Variants in TENM3 observed in about 807,000 individuals in gnomAD.
TENM3 encodes teneurin-3.
In TENM3, 63 loss-of-function variants were observed where a neutral mutation model predicts 255.1. The observed-to-expected ratio is 0.25, with a 90% confidence interval of 0.20 to 0.30. The LOEUF (loss-of-function observed/expected upper bound fraction) is 0.30, where lower values mean the gene tolerates loss of function less well. Among genes scored for constraint, TENM3 ranks in the 10% least tolerant of loss-of-function variants. The pLI is 1.00. For missense variants in TENM3, 2,929 were observed against 3,461.1 expected (o/e 0.85, Z 3.86); for synonymous variants, 1,306 against 1,322.3 (o/e 0.99, Z 0.27).
At chr4:181,464,420 G>C in the TENM3 span, among the ~76,000 whole-genome samples, 1 of 152,088 alleles carries the variant, frequency 6.6e-6, no homozygotes, top group Non-Finnish European at 1.5e-5. Context: ...CATCTTTTCA[G>C]GTGGTTCTTG....
intron 2 of TENM3, among the ~76,000 whole-genome samples, chr4:182,345,772 G>A (rs1247964944): frequency 6.6e-6 from 1 of 152,104 alleles, no homozygotes; most frequent in Non-Finnish European, 1.5e-5. Flanking sequence ...TTATTGCAGT[G>A]TCATGAGTTT....
At chr4:181,486,047 T>G in the TENM3 span, among the ~76,000 whole-genome samples, 1 of 151,572 alleles carries the variant, frequency 6.6e-6, no homozygotes, top group African/African-American at 2.4e-5. Context: ...TGTGTTTGAG[T>G]TTATCTAAGA....
At chr4:182,169,510 A>G in intron 1 of TENM3, 1 of 271,920 alleles carries the variant, frequency 3.7e-6, no homozygotes, top group Non-Finnish European at 7.3e-6. Context: ...AGCTTTTTAG[A>G]GGAGAATTTA....
At chr4:182,080,051 C>T in the TENM3 span, among the ~76,000 whole-genome samples, 5 of 152,184 alleles carry the variant, frequency 3.3e-5, no homozygotes, top group African/African-American at 7.2e-5. Context: ...ACAATCCACT[C>T]GTCTTAACCA....
At chr4:182,669,603 A>T (rs1755034479) in intron 6 of TENM3, among the ~76,000 whole-genome samples, 1 of 152,158 alleles carries the variant, frequency 6.6e-6, no homozygotes, top group African/African-American at 2.4e-5. Context: ...TATCAATATA[A>T]AACTTATAAA....
the TENM3 span, among the ~76,000 whole-genome samples, chr4:181,519,359 G>C: frequency 3.3e-5 from 5 of 152,332 alleles, no homozygotes; most frequent in Middle Eastern, 3.4e-3. Context: ...TTTCCTCTCT[G>C]AAAATATAAC....
At chr4:182,707,738 T>G (rs1305212845) in intron 12 of TENM3, 1 of 152,322 alleles carries the variant, frequency 6.6e-6, no homozygotes, top group Non-Finnish European at 1.5e-5. Context: ...GTCATAGGCT[T>G]GAAACCCGAA....
the TENM3 span, among the ~76,000 whole-genome samples, chr4:181,691,428 A>G: frequency 3.9e-5 from 6 of 152,180 alleles, no homozygotes; most frequent in African/African-American, 1.4e-4. Flanking sequence ...TAACAGAACT[A>G]CAGATCAAAG....
chr4:181,467,085 G>A, the TENM3 span, among the ~76,000 whole-genome samples: 19 of 12,996 alleles, frequency 1.5e-3, no homozygotes, highest in African/African-American at 3.5e-3. Context: ...GTGTGTGTGC[G>A]TGTGTGTGTG....
chr4:181,850,161 T>C, the TENM3 span, among the ~76,000 whole-genome samples: 1 of 151,994 alleles, frequency 6.6e-6, no homozygotes, highest in Admixed American at 6.6e-5. Context: ...TTTCGTTTTA[T>C]CTTTAATTTT....
intron 4 of TENM3, among the ~76,000 whole-genome samples, chr4:182,616,884 G>A (rs1470426364): frequency 1.3e-5 from 2 of 152,066 alleles, no homozygotes; most frequent in African/African-American, 2.4e-5. Context: ...TTTCTATGGG[G>A]GCTTTTTCTT....
At chr4:181,709,616 T>C in the TENM3 span, among the ~76,000 whole-genome samples, 1 of 152,274 alleles carries the variant, frequency 6.6e-6, no homozygotes, top group Admixed American at 6.5e-5. Flanking sequence ...AAGCAACAAA[T>C]TGAGATCAGA....
intron 3 of TENM3, among the ~76,000 whole-genome samples, chr4:182,515,287 G>A (rs940892727): frequency 6.6e-6 from 1 of 152,152 alleles, no homozygotes; most frequent in East Asian, 1.9e-4. Flanking sequence ...AAAAATCCAA[G>A]TGAAAACTTT....
chr4:181,487,339 C>T, the TENM3 span, among the ~76,000 whole-genome samples: 39 of 152,202 alleles, frequency 2.6e-4, 1 homozygote, highest in African/African-American at 7.7e-4. Flanking sequence ...TGTATTAGTG[C>T]GTTTGGGCTG....
the TENM3 span, among the ~76,000 whole-genome samples, chr4:181,488,893 G>A: frequency 1.9e-4 from 29 of 152,154 alleles, no homozygotes; most frequent in Admixed American, 1.4e-3. Flanking sequence ...GCCTCGTCAC[G>A]AACCTGGCTG....
chr4:181,878,560 G>A, the TENM3 span, among the ~76,000 whole-genome samples: 1 of 152,072 alleles, frequency 6.6e-6, no homozygotes, highest in Non-Finnish European at 1.5e-5. Flanking sequence ...TGTAAATGCT[G>A]AGAGTTTACC....
At chr4:182,667,477 C>T (rs2152541663) in intron 6 of TENM3, among the ~76,000 whole-genome samples, 1 of 152,248 alleles carries the variant, frequency 6.6e-6, no homozygotes, top group East Asian at 1.9e-4. Context: ...GTGTGAGCCA[C>T]CACACCTGGC....
intron 1 of TENM3, among the ~76,000 whole-genome samples, chr4:182,256,182 A>C (rs910015907): frequency 6.6e-6 from 1 of 152,190 alleles, no homozygotes; most frequent in Admixed American, 6.5e-5. Flanking sequence ...TCGACCCTAA[A>C]GTTATAAGAA....
chr4:181,476,205 G>GTTTTTTTTTTTTTTTTTTTTTT, the TENM3 span, among the ~76,000 whole-genome samples: 1 of 98,016 alleles, frequency 1.0e-5, no homozygotes, highest in African/African-American at 2.9e-5. Flanking sequence ...ACATTTTAGG[G>GTTTTTTTTTTTTTTTTTTTTTT]GTTTTTTTTT....
Sources: allele counts gnomAD v4.1 joint callset (sites outside exome capture counted in the v4.1 genomes callset), GRCh38; gene constraint gnomAD v4.1.1; transcripts MANE v1.5; gene names NCBI Gene and HGNC (gene_info 2026-07-23, HGNC 2026-07-21).